Variants in PSG11 observed in about 807,000 individuals in gnomAD.
PSG11 encodes pregnancy-specific beta-1-glycoprotein 11.
In PSG11, 42 loss-of-function variants were observed where a neutral mutation model predicts 36.0. The observed-to-expected ratio is 1.17, with a 90% CI of 0.91 to 1.51. The LOEUF (loss-of-function observed/expected upper bound fraction) is 1.51. Ranked by LOEUF, PSG11 falls within the 40% of genes most tolerant of loss-of-function variation. The pLI is 0.00. For synonymous variants in PSG11, 206 were observed against 153.5 expected, an observed-to-expected ratio of 1.34 and a Z score of -2.53; for missense variants, 558 against 403.5, an observed-to-expected ratio of 1.38 and a Z score of -3.28.
rs781354119 is a variant in PSG11 at position 43,009,969 on chromosome 19, C to A, written c.*29G>T. On this transcript the variant is annotated 3_prime_UTR_variant, in exon 5 of 6. Transcript: ENST00000320078. ...AAAGGTCATCATACCTGCCAGTCTT[C>A]CTGAAATACAAAAATGACATCACGG... 4.4e-6 allele frequency: 7 copies of A among 1,594,786 alleles called. No homozygotes were observed. Among genetic ancestry groups the A allele is most frequent in the Non-Finnish European group, 6.0e-6 (7 of 1,163,888 alleles).
intron 3 of PSG11, chr19:43,015,753 G>A (rs1314103681): frequency 1.9e-6 from 3 of 1,608,962 alleles, no homozygotes; most frequent in Non-Finnish European, 1.7e-6. Context: ...GGCCCACAGA[G>A]GAACAAAAGA....
At chr19:43,026,073 C>T (rs1394720071) in intron 1 of PSG11, among the ~76,000 whole-genome samples, 1 of 149,340 alleles carries the variant, frequency 6.7e-6, no homozygotes, top group Non-Finnish European at 1.5e-5. Flanking sequence ...TCCTGAGTAG[C>T]TAGGATTACA....
chr19:43,022,018 A>C (rs1369266171), intron 2 of PSG11, among the ~76,000 whole-genome samples: 1 of 151,480 alleles, frequency 6.6e-6, no homozygotes, highest in African/African-American at 2.4e-5. Context: ...AATTTAGTTT[A>C]TGGTTTAACT....
At chr19:43,025,934 C>CT (rs1967240749) in intron 1 of PSG11, among the ~76,000 whole-genome samples, 14 of 61,490 alleles carry the variant, frequency 2.3e-4, no homozygotes, top group African/African-American at 4.8e-4. Flanking sequence ...TTTTTTTTTT[C>CT]TCTTTTTTTT....
rs1293040930 is a variant in PSG11 at position 43,018,792 on chromosome 19, G to A, written c.687C>T (p.Asp229=). The change falls in exon 3 of 6, where the codon GAC becomes GAT. Residue 229 remains aspartate (D), a synonymous_variant. Transcript: ENST00000320078. ...IWNSGSASRS[D]PVTLNLLHGP... is the part of the protein sequence containing the mutation. ...CACGGAGGAGATTCAGGGTGACTGG[G>A]TCACTGCGGCTGGCACTCCCTGAGT... The A allele has an allele frequency of 1.2e-6, 2 of 1,612,120 alleles. No individual in the cohort carries two copies. Among genetic ancestry groups the A allele is most frequent in the East Asian group, 2.2e-5 (1 of 44,792 alleles).
At chr19:43,018,743 G>T in intron 3 of PSG11, 27 bp downstream of exon 3, 7 of 1,612,092 alleles carry the variant, frequency 4.3e-6, no homozygotes, top group South Asian at 1.1e-5. Context: ...TGGCAGCCTG[G>T]CTCACAGAGG....
chr19:43,020,107 G>T (rs967490235), intron 2 of PSG11, among the ~76,000 whole-genome samples: 2 of 151,396 alleles, frequency 1.3e-5, no homozygotes, highest in African/African-American at 4.9e-5. Context: ...GGGGAATTGG[G>T]TGTTGTTCCG....
At position 43,026,117 on chromosome 19, in the gene PSG11, A is replaced by C. The variant is rs190129540; in HGVS notation, c.64+192T>G. Among the ~76,000 whole-genome samples, 13 of 148,462 alleles carry C rather than the reference A, an allele frequency of 8.8e-5. 1 individual carries two copies. Among genetic ancestry groups the C allele is most frequent in the African/African-American group, 3.2e-4 (13 of 40,028 alleles). ...CCACCATACCTGGTTAATTTTTTGT[A>C]CTTTTAGAAGAGACAGGGCTTCACT... On this transcript the variant is annotated intron_variant, in intron 1 of 5. Coordinates refer to ENST00000320078, the MANE Select transcript of PSG11 (RefSeq NM_002785.3).
At chr19:43,011,303 G>C (rs972282548) in intron 4 of PSG11, among the ~76,000 whole-genome samples, 15 of 151,128 alleles carry the variant, frequency 9.9e-5, no homozygotes, top group African/African-American at 3.4e-4. Context: ...TGAGTCTTGT[G>C]CAAGAAATTT....
At position 43,009,120 on chromosome 19, in the gene PSG11, T is replaced by C. The variant is rs559307396; in HGVS notation, c.*40+838A>G. 4.6e-5 allele frequency among the ~76,000 whole-genome samples: 7 copies of C among 151,566 alleles called. No individual in the cohort carries two copies. In the South Asian group the frequency reaches 1.1e-3, roughly 23 times the overall value. ...CATTTCCTGTCTTAGGCTTTGTGTCTCCTGGGGTGGGGCCCTTGCCTTCTT... is the reference window on the plus strand; with the variant it reads ...CATTTCCTGTCTTAGGCTTTGTGTCCCCTGGGGTGGGGCCCTTGCCTTCTT... On this transcript the variant is annotated intron_variant, in intron 5 of 5. Coordinates refer to ENST00000320078, the MANE Select transcript of PSG11 (RefSeq NM_002785.3).
rs1568487537 is a variant in PSG11 at position 43,015,276 on chromosome 19, TG to T, written c.803del (p.Pro268GlnfsTer49). 6.2e-7 allele frequency: 1 copy of T among 1,611,494 alleles called. No individual in the cohort carries two copies. On this transcript the variant is annotated frameshift_variant, in exon 4 of 6. Coordinates refer to ENST00000320078, the MANE Select transcript of PSG11 (RefSeq NM_002785.3). LOFTEE classifies it high-confidence loss of function. ...CATTAATTGTCCAAGAATACTGTGC[TG>T]GTGGGTTAGAGTTTGCGAAGCAGGA... ...DLSCFANSNP[P>X]AQYSWTINGK...
In PSG11 at chr19:43,010,055, A is replaced by T; in HGVS notation, c.965-14T>A. ...ATCCTGGAGGAGCTGTCATGGAAAGAAAAGAAAAGAAGGAATGAAGGTGAT... is the reference window on the plus strand; with the variant it reads ...ATCCTGGAGGAGCTGTCATGGAAAGTAAAGAAAAGAAGGAATGAAGGTGAT... On this transcript the variant is annotated splice_polypyrimidine_tract_variant and intron_variant, in intron 4 of 5. Transcript: ENST00000320078. The T allele has an allele frequency of 6.2e-7, 1 of 1,605,966 alleles. No homozygotes were observed. The highest frequency in any genetic ancestry group is 8.5e-7 in the Non-Finnish European group (1 of 1,174,044).
intron 4 of PSG11, chr19:43,014,617 C>T (rs1388031128): frequency 9.5e-7 from 1 of 1,053,302 alleles, no homozygotes; most frequent in African/African-American, 1.7e-5. Flanking sequence ...CAGGGCCAGT[C>T]ACCAGAGGAG....
intron 4 of PSG11, chr19:43,014,437 G>A (rs1966904859): frequency 1.0e-6 from 1 of 958,466 alleles, no homozygotes; most frequent in Non-Finnish European, 1.2e-6. Flanking sequence ...TGACTTCAGA[G>A]CCAGGACGCA....
In PSG11 at chr19:43,018,844, G is replaced by A. The variant is rs1452598987; in HGVS notation, c.635C>T (p.Ala212Val). The part of the protein sequence containing the change: ...LFLFGVTKYT[A>V]GPYECEIWNS... ...CCATATTTCACATTCATAGGGTCCT[G>A]CAGTATACTTTGTGACACCAAATAG... Residue 212 changes from alanine (A) to valine (V), a missense_variant, in exon 3 of 6, where the codon GCA becomes GTA. Physicochemically the swap from Ala to Val is moderately conservative, Grantham distance 64. Transcript: ENST00000320078. 9 of 1,612,032 alleles carry A rather than the reference G, an allele frequency of 5.6e-6. No homozygotes were observed. In the Admixed American group the frequency reaches 1.3e-4, roughly 24 times the overall value.
At chr19:43,015,044 C>T in intron 4 of PSG11, 72 bp downstream of exon 4, 5 of 1,608,842 alleles carry the variant, frequency 3.1e-6, no homozygotes, top group African/African-American at 1.3e-5. Context: ...AAAATGTTTT[C>T]CTGACTCTTC....
intron 5 of PSG11, among the ~76,000 whole-genome samples, chr19:43,008,922 C>T (rs1974001135): frequency 6.6e-6 from 1 of 151,118 alleles, no homozygotes; most frequent in South Asian, 2.1e-4. Context: ...ATTACCAATG[C>T]CTGGGTCCGT....
At chr19:43,009,157 G>A (rs1350738838) in intron 5 of PSG11, among the ~76,000 whole-genome samples, 2 of 151,276 alleles carry the variant, frequency 1.3e-5, no homozygotes, top group Non-Finnish European at 2.9e-5. Context: ...ATTTCTGTAT[G>A]TTTTTTGAAC....
At chr19:43,020,248 A>T (rs552082569) in intron 2 of PSG11, among the ~76,000 whole-genome samples, 16 of 151,350 alleles carry the variant, frequency 1.1e-4, no homozygotes, top group Admixed American at 7.2e-4. Context: ...TGGAATTCTA[A>T]TTTTTTTTAT....
Sources: gnomAD v4.1 joint callset for allele counts (sites outside exome capture counted in the v4.1 genomes callset) on GRCh38, gnomAD v4.1.1 for gene constraint, MANE v1.5 for transcripts, NCBI Gene and HGNC (gene_info 2026-07-23, HGNC 2026-07-21) for gene names.